The following PCDHGB3 variants were observed in gnomAD, a reference collection of about 807,000 sequenced individuals.
PCDHGB3 encodes protocadherin gamma-B3.
Under a neutral mutation model 59.2 loss-of-function variants are expected in PCDHGB3, and 40 were observed. The observed-to-expected ratio is 0.68, with a 90% confidence interval of 0.52 to 0.88. The LOEUF (loss-of-function observed/expected upper bound fraction) is 0.88, where lower values mean the gene tolerates loss of function less well. Among genes scored for constraint, PCDHGB3 ranks in the 40% least tolerant of loss-of-function variants. The probability of loss-of-function intolerance (pLI) is 0.00; values close to 1 mark genes in which losing one functional copy is unlikely to be tolerated. For synonymous variants in PCDHGB3, 581 were observed against 503.6 expected (o/e 1.15, Z -2.06); for missense variants, 1,309 against 1,187.9 (o/e 1.10, Z -1.50).
intron 1 of PCDHGB3, among the ~76,000 whole-genome samples, chr5:141,472,590 C>T (rs1161871973): frequency 6.6e-6 from 1 of 151,908 alleles, no homozygotes; most frequent in Non-Finnish European, 1.5e-5. Flanking sequence ...GTCAGAAGCT[C>T]TCTTGAAATT....
At chr5:141,376,175 G>A (rs551078264) in intron 1 of PCDHGB3, 5 of 1,614,148 alleles carry the variant, frequency 3.1e-6, no homozygotes, top group African/African-American at 1.3e-5. Flanking sequence ...GGTGGCGGTG[G>A]CCGCGGTCTC....
At chr5:141,404,780 A>G (rs746373854) in intron 1 of PCDHGB3, 2 of 1,612,764 alleles carry the variant, frequency 1.2e-6, no homozygotes, top group African/African-American at 1.3e-5. Flanking sequence ...CCGCCTATTC[A>G]AGGCCAGTGA....
intron 1 of PCDHGB3, among the ~76,000 whole-genome samples, chr5:141,444,770 C>A (rs1382748105): frequency 2.6e-5 from 4 of 152,078 alleles, no homozygotes; most frequent in African/African-American, 9.7e-5. Context: ...TTTCTATATT[C>A]TTGATCATGT....
chr5:141,390,199 G>A (rs753440941), intron 1 of PCDHGB3: 2 of 1,614,054 alleles, frequency 1.2e-6, no homozygotes, highest in South Asian at 2.2e-5. Context: ...GAGCAGTTGA[G>A]TTCAGGACAA....
chr5:141,414,624 G>C, intron 1 of PCDHGB3: 1 of 1,613,932 alleles, frequency 6.2e-7, no homozygotes, highest in Non-Finnish European at 8.5e-7. Context: ...CGCTGGACCC[G>C]GACAGCAAAG....
rs2099883775 is a variant in PCDHGB3 at position 141,511,415 on chromosome 5, A to G, written c.*242A>G. On this transcript the variant is annotated 3_prime_UTR_variant, in exon 4 of 4. Transcript: ENST00000576222. ...CCCCATCCAATCAACTGCTGTACCC[A>G]TGGGGGTAGTGGGGTTACTGTAGAC... 1.2e-6 allele frequency: 1 copy of G among 868,992 alleles called. No individual in the cohort carries two copies. The highest frequency in any genetic ancestry group is 2.9e-5 in the East Asian group (1 of 34,592). The allele number at this position is 868,992 out of a possible 1,614,324, so 53.8% of individuals were successfully genotyped here.
At chr5:141,465,983 A>G (rs1219092160) in intron 1 of PCDHGB3, among the ~76,000 whole-genome samples, 1 of 151,944 alleles carries the variant, frequency 6.6e-6, no homozygotes, top group East Asian at 1.9e-4. Context: ...TTAGCCGGGC[A>G]TGGTGGCAGG....
intron 1 of PCDHGB3, chr5:141,421,230 G>T: frequency 6.3e-7 from 1 of 1,590,132 alleles, no homozygotes. Context: ...AGCCTGCCAT[G>T]GCGAATCGGC....
rs561548499 is a variant in PCDHGB3, at chr5:141,414,930, C to T, written c.2415+42121C>T. On this transcript the variant is annotated intron_variant, in intron 1 of 3. Coordinates refer to ENST00000576222, the MANE Select transcript of PCDHGB3 (RefSeq NM_018924.5). ...CAGGCGTGGAGCTGGCGCCCCGCTC[C>T]GCAGAGCCCGGCTACCTGGTGACCA... 1.9e-6 allele frequency: 3 copies of T among 1,614,156 alleles called. No homozygotes were observed. The South Asian group carries it at 3.3e-5, about 18-fold the overall frequency.
In PCDHGB3 at chr5:141,430,991, A is replaced by G. The variant is rs2097333608; in HGVS notation, c.2415+58182A>G. 2.5e-6 allele frequency: 4 copies of G among 1,613,862 alleles called. No individual in the cohort carries two copies. In the East Asian group the frequency reaches 8.9e-5, roughly 36 times the overall value. ...AGGTAGGACGCAGCTTTTCGCCCTGAATCCGCGCAGCGGCAGCTTGGTCAC... is the reference window on the plus strand; with the variant it reads ...AGGTAGGACGCAGCTTTTCGCCCTGGATCCGCGCAGCGGCAGCTTGGTCAC... On this transcript the variant is annotated intron_variant, in intron 1 of 3. Coordinates refer to ENST00000576222, the MANE Select transcript of PCDHGB3 (RefSeq NM_018924.5).
At chr5:141,400,415 T>C (rs1054517262) in intron 1 of PCDHGB3, 16 of 1,614,080 alleles carry the variant, frequency 9.9e-6, no homozygotes, top group Non-Finnish European at 1.3e-5. Flanking sequence ...TTTAATTTCC[T>C]AAAATGTAGT....
intron 1 of PCDHGB3, chr5:141,478,477 C>T: frequency 6.2e-7 from 1 of 1,613,796 alleles, no homozygotes; most frequent in Non-Finnish European, 8.5e-7. Flanking sequence ...GCCGCCAGAA[C>T]ACGCTGCGGA....
chr5:141,498,103 G>C (rs2099781622), intron 2 of PCDHGB3, among the ~76,000 whole-genome samples: 1 of 152,216 alleles, frequency 6.6e-6, no homozygotes. Context: ...GGTGGTGTGG[G>C]CGTATAATAG....
At chr5:141,375,902 C>T (rs890373642) in intron 1 of PCDHGB3, 5 of 1,613,666 alleles carry the variant, frequency 3.1e-6, no homozygotes, top group African/African-American at 1.3e-5. Context: ...GCTGTCCTAC[C>T]GCCTGCTCAA....
intron 1 of PCDHGB3, chr5:141,378,580 C>T (rs999014628): frequency 2.6e-5 from 4 of 152,056 alleles, no homozygotes; most frequent in Non-Finnish European, 5.9e-5. Flanking sequence ...AAAACATGCT[C>T]GGTAGTGTCT....
intron 3 of PCDHGB3, among the ~76,000 whole-genome samples, chr5:141,509,353 C>A (rs2099876446): frequency 6.6e-6 from 1 of 152,170 alleles, no homozygotes; most frequent in Non-Finnish European, 1.5e-5. Context: ...CTGGCCTGGG[C>A]ATCCCTGAGG....
intron 1 of PCDHGB3, among the ~76,000 whole-genome samples, chr5:141,458,513 G>T (rs968604511): frequency 6.8e-6 from 1 of 146,128 alleles, no homozygotes; most frequent in Non-Finnish European, 1.5e-5. Flanking sequence ...TTGACACTTT[G>T]TTTTTTTTTT....
intron 1 of PCDHGB3, chr5:141,375,003 TA>T: frequency 6.2e-7 from 1 of 1,614,054 alleles, no homozygotes; most frequent in Non-Finnish European, 8.5e-7. Flanking sequence ...TCTGCAAATC[TA>T]GACTATGAGG....
chr5:141,437,892 C>A (rs2097916583), intron 1 of PCDHGB3, among the ~76,000 whole-genome samples: 2 of 152,116 alleles, frequency 1.3e-5, no homozygotes, highest in Admixed American at 1.3e-4. Context: ...CACACGCCAC[C>A]ACACCCAGCT....
Sources: allele counts gnomAD v4.1 joint callset (sites outside exome capture counted in the v4.1 genomes callset), GRCh38; gene constraint gnomAD v4.1.1; transcripts MANE v1.5; gene names NCBI Gene and HGNC (gene_info 2026-07-23, HGNC 2026-07-21).